Variants in CCDC180 observed in about 807,000 individuals in gnomAD.
CCDC180 encodes coiled-coil domain-containing protein 180.
CCDC180 carries 154 observed loss-of-function variants against 209.2 expected under a neutral mutation model. The observed-to-expected ratio is 0.74, with a 90% CI of 0.65 to 0.84. The LOEUF is 0.84. Among genes scored for constraint, CCDC180 ranks in the 40% least tolerant of loss-of-function variants. CCDC180 has a pLI of 0.00. For missense variants in CCDC180, 1,874 were observed against 1,997.3 expected, an observed-to-expected ratio of 0.94 and a Z score of 1.18; for synonymous variants, 778 against 749.1, an observed-to-expected ratio of 1.04 and a Z score of -0.63.
At chr9:97,316,618 A>G (rs1356290717) in intron 8 of CCDC180, among the ~76,000 whole-genome samples, 1 of 152,218 alleles carries the variant, frequency 6.6e-6, no homozygotes, top group Non-Finnish European at 1.5e-5. Flanking sequence ...GGACTGCTGA[A>G]GAATGTTCTA....
intron 18 of CCDC180, among the ~76,000 whole-genome samples, chr9:97,331,328 C>T (rs1299995827): frequency 2.0e-5 from 3 of 152,088 alleles, no homozygotes; most frequent in South Asian, 4.1e-4. Context: ...TGTCAATGGG[C>T]GTTTAGGTTG....
At chr9:97,330,291 C>T (rs752147222) in intron 17 of CCDC180, 31 bp from the exon 18 acceptor site, 147 of 1,612,236 alleles carry the variant, frequency 9.1e-5, no homozygotes, top group Non-Finnish European at 1.2e-4. Flanking sequence ...TAAATTGTCT[C>T]TCCTTGTGCT....
intron 19 of CCDC180, among the ~76,000 whole-genome samples, chr9:97,345,263 T>C (rs879498228): frequency 6.6e-6 from 1 of 152,212 alleles, no homozygotes; most frequent in Non-Finnish European, 1.5e-5. Context: ...TATCCGTCTT[T>C]AGGAGATAGA....
intron 27 of CCDC180, 25 bp from the exon 28 acceptor site, chr9:97,362,171 C>A: frequency 6.2e-7 from 1 of 1,602,350 alleles, no homozygotes; most frequent in South Asian, 1.1e-5. Flanking sequence ...CGGAGAAGAG[C>A]TCACACCCTT....
chr9:97,328,827 C>T (rs777650405), intron 16 of CCDC180, among the ~76,000 whole-genome samples: 49 of 152,156 alleles, frequency 3.2e-4, no homozygotes, highest in Non-Finnish European at 6.0e-4. Context: ...TCTGGAGAAC[C>T]CAACTATAAT....
At position 97,366,440 on chromosome 9, in the gene CCDC180, A is replaced by AG. The variant is rs1161434316; in HGVS notation, c.4048-115dup. The AG allele has an allele frequency of 2.3e-5, 24 of 1,033,388 alleles. No homozygotes were observed. Among genetic ancestry groups the AG allele is most frequent in the Non-Finnish European group, 3.1e-5 (22 of 709,434 alleles). The allele number at this position is 1,033,388 out of a possible 1,614,324, so 64.0% of individuals were successfully genotyped here. On this transcript the variant is annotated intron_variant, in intron 30 of 36. Coordinates refer to ENST00000529487, the MANE Select transcript of CCDC180 (RefSeq NM_020893.6). The surrounding 1 kb of genome is among the most constrained non-coding windows in gnomAD (Gnocchi z 4.3). ...GAGTGTCTGCTCGTGTCACTTCCAC[A>AG]GGGGATGCCACGAGCAAAGGCTAGG...
At chr9:97,324,979 G>C in intron 13 of CCDC180, 40 bp from the exon 14 acceptor site, 4 of 1,588,206 alleles carry the variant, frequency 2.5e-6, no homozygotes, top group Non-Finnish European at 3.4e-6. Context: ...CCCTGGGACT[G>C]TCAGCCCTTA....
At chr9:97,374,958 T>C (rs537422487) in intron 35 of CCDC180, among the ~76,000 whole-genome samples, 82 of 152,326 alleles carry the variant, frequency 5.4e-4, no homozygotes, top group African/African-American at 1.9e-3. Flanking sequence ...GGGGGACACA[T>C]TCTTGGGTCA....
At chr9:97,317,005 C>G (rs764680621) in intron 8 of CCDC180, 60 bp from the exon 9 acceptor site, 75 of 1,506,400 alleles carry the variant, frequency 5.0e-5, no homozygotes, top group Non-Finnish European at 6.3e-5. Context: ...CTAACTGAGC[C>G]TTGCCCTGAC....
chr9:97,326,531 C>CT lies in CCDC180; in HGVS notation c.1546-21dup, dbSNP rs550934015. 6.4e-4 allele frequency: 919 copies of CT among 1,436,524 alleles called. 3 individuals are homozygous for CT. The highest frequency in any genetic ancestry group is 8.7e-4 in the Middle Eastern group (5 of 5,768). The allele number at this position is 1,436,524 out of a possible 1,614,324, so 89.0% of individuals were successfully genotyped here. A position where few individuals can be genotyped will look rare whatever the true frequency, so the allele number is the denominator to read the frequency against. On this transcript the variant is annotated intron_variant, in intron 14 of 36. Coordinates refer to ENST00000529487, the MANE Select transcript of CCDC180 (RefSeq NM_020893.6). ...GCACTGGAGGTCACATCTGCTTCCTCTTGTTTTGGGGGTGGCTTCCAGGTG... is the reference window on the plus strand; with the variant it reads ...GCACTGGAGGTCACATCTGCTTCCTCTTTGTTTTGGGGGTGGCTTCCAGGTG...
intron 12 of CCDC180, 52 bp downstream of exon 12, chr9:97,322,973 A>C: frequency 6.7e-7 from 1 of 1,497,698 alleles, no homozygotes; most frequent in East Asian, 2.3e-5. Flanking sequence ...CAGGACCTGA[A>C]GTGCCTTCCC....
chr9:97,343,279 G>A (rs1826141123), intron 18 of CCDC180, 61 bp from the exon 19 acceptor site: 1 of 1,134,272 alleles, frequency 8.8e-7, no homozygotes, highest in African/African-American at 1.5e-5. Flanking sequence ...GGAACCTGTG[G>A]TTGGCATTCC....
intron 28 of CCDC180, among the ~76,000 whole-genome samples, 186 bp downstream of exon 28, chr9:97,362,627 TG>T (rs1184472519): frequency 6.6e-6 from 1 of 151,690 alleles, no homozygotes; most frequent in Non-Finnish European, 1.5e-5. Flanking sequence ...ATGGTGCTGA[TG>T]GATCTCAGCC....
chr9:97,377,009 T>G lies in CCDC180; in HGVS notation c.*115T>G. On this transcript the variant is annotated 3_prime_UTR_variant, in exon 37 of 37. Transcript: ENST00000529487. ...TCCCTTCATCCCTCCACCCCTGCTC[T>G]GTGCCGGGCACTGTAGCTTTACCAG... is the stretch of plus-strand genomic sequence containing the variant. The G allele has an allele frequency of 1.6e-6, 2 of 1,216,180 alleles. No individual in the cohort carries two copies. The highest frequency in any genetic ancestry group is 2.3e-6 in the Non-Finnish European group (2 of 886,158). 75.3% of individuals were successfully genotyped at this position (1,216,180 alleles called of 1,614,324 possible).
At chr9:97,375,688 T>C (rs1158691766) in intron 36 of CCDC180, 99 bp downstream of exon 36, 2 of 1,498,520 alleles carry the variant, frequency 1.3e-6, no homozygotes, top group Non-Finnish European at 1.8e-6. Context: ...AACATTTGGC[T>C]GGTGCAGCAG....
rs1348964646 is a variant in CCDC180 at position 97,355,004 on chromosome 9, G to A, written c.3260G>A (p.Cys1087Tyr). The change falls in exon 24 of 37, where the codon TGC (cysteine) becomes TAC (tyrosine). Residue 1087 changes from cysteine (C) to tyrosine (Y), a missense_variant. Coordinates refer to ENST00000529487, the MANE Select transcript of CCDC180 (RefSeq NM_020893.6). ...ACGAATCTGCAAGTGAAAATCAAGT[G>A]CCAGGTAGGATAGATTCATTCTTCA... ...LLTNLQVKIK[C>Y]QVAKSNSQTN... 1 of 1,596,170 alleles carries A rather than the reference G, an allele frequency of 6.3e-7. No homozygotes were observed. Among genetic ancestry groups the A allele is most frequent in the Non-Finnish European group, 8.6e-7 (1 of 1,163,894 alleles).
intron 26 of CCDC180, among the ~76,000 whole-genome samples, chr9:97,361,099 C>T (rs35534888): frequency 0.21 from 32,109 of 152,044 alleles, 3,657 homozygotes; most frequent in East Asian, 0.39. Context: ...TGAAGGTCTC[C>T]CAGGACTTCA....
chr9:97,307,697 G>GAA lies in CCDC180; in HGVS notation c.-190_-189dup, dbSNP rs1334671483. 6.3e-7 allele frequency: 1 copy of GAA among 1,594,046 alleles called. No individual in the cohort carries two copies. Among genetic ancestry groups the GAA allele is most frequent in the Non-Finnish European group, 8.6e-7 (1 of 1,162,456 alleles). On this transcript the variant is annotated 5_prime_UTR_variant, in exon 1 of 37. Transcript: ENST00000529487. The stretch of plus-strand genomic sequence containing the variant: ...TTTTCCCCGAAGAGCATGGCAGAGT[G>GAA]AAGCACAAGCAATAATCCTGTATTA...
At chr9:97,334,288 T>C (rs10817448) in intron 18 of CCDC180, among the ~76,000 whole-genome samples, 28,009 of 152,190 alleles carry the variant, frequency 0.18, 3,248 homozygotes, top group Middle Eastern at 0.28. Flanking sequence ...TTATTAGCAA[T>C]AGCCAGTATT....
Sources: allele counts gnomAD v4.1 joint callset (sites outside exome capture counted in the v4.1 genomes callset), GRCh38; gene constraint gnomAD v4.1.1; non-coding constraint Gnocchi (gnomAD v3.1); transcripts MANE v1.5; gene names NCBI Gene and HGNC (gene_info 2026-07-23, HGNC 2026-07-21).